The following ATXN1 variants were observed in gnomAD, a reference collection of about 807,000 sequenced individuals.
ATXN1 encodes the protein ataxin 1, also known as ataxin-1.
In ATXN1, 8 loss-of-function variants were observed where a neutral mutation model predicts 56.4. The observed-to-expected ratio is 0.14, with a 90% CI of 0.08 to 0.26. The LOEUF is 0.26. Ranked by LOEUF, ATXN1 falls within the 10% of genes least tolerant of loss-of-function variation. The probability of loss-of-function intolerance (pLI) is 1.00; values close to 1 mark genes in which losing one functional copy is unlikely to be tolerated. For synonymous variants in ATXN1, 514 were observed against 494.6 expected (o/e 1.04, Z -0.52); for missense variants, 987 against 1,106.5 (o/e 0.89, Z 1.53).
chr6:16,572,665 G>C (rs185781088), intron 4 of ATXN1, among the ~76,000 whole-genome samples: 16 of 152,170 alleles, frequency 1.1e-4, no homozygotes, highest in African/African-American at 3.6e-4. Context: ...ACAAGCCCAA[G>C]AGAAAACAAA....
At chr6:16,745,752 C>A (rs1158052943) in intron 2 of ATXN1, among the ~76,000 whole-genome samples, 3 of 152,056 alleles carry the variant, frequency 2.0e-5, no homozygotes, top group Admixed American at 6.5e-5. Flanking sequence ...CAGAAAACGT[C>A]ACTGACAGGT....
intron 6 of ATXN1, among the ~76,000 whole-genome samples, chr6:16,449,995 A>G (rs1273782912): frequency 6.6e-6 from 1 of 152,250 alleles, no homozygotes; most frequent in Admixed American, 6.5e-5. Flanking sequence ...ATAAGTCAGC[A>G]TTACACGCTG....
At chr6:16,638,897 C>T (rs900309494) in intron 3 of ATXN1, among the ~76,000 whole-genome samples, 1 of 152,130 alleles carries the variant, frequency 6.6e-6, no homozygotes, top group South Asian at 2.1e-4. Context: ...TGCAGCTAGT[C>T]GGTGGCTATA....
At chr6:16,713,374 C>A (rs983355043) in intron 2 of ATXN1, among the ~76,000 whole-genome samples, 2 of 152,144 alleles carry the variant, frequency 1.3e-5, no homozygotes, top group African/African-American at 4.8e-5. Flanking sequence ...GAGAACAAAG[C>A]CAAAGGACGC....
chr6:16,700,513 C>G (rs1025126739), intron 2 of ATXN1, among the ~76,000 whole-genome samples: 4 of 152,066 alleles, frequency 2.6e-5, no homozygotes, highest in African/African-American at 9.7e-5. Context: ...ATCAGATTGT[C>G]TGGGGCCAAG....
intron 6 of ATXN1, among the ~76,000 whole-genome samples, chr6:16,346,092 G>C (rs533276927): frequency 2.0e-5 from 3 of 152,278 alleles, no homozygotes; most frequent in African/African-American, 7.2e-5. Flanking sequence ...TTTTGAGACA[G>C]TAGCCAGAGC....
chr6:16,620,742 A>G (rs1195510557), intron 3 of ATXN1, among the ~76,000 whole-genome samples: 2 of 152,214 alleles, frequency 1.3e-5, no homozygotes, highest in Non-Finnish European at 1.5e-5. Context: ...CTGGGTGTGC[A>G]AAGTGCCAAG....
intron 4 of ATXN1, among the ~76,000 whole-genome samples, chr6:16,581,597 T>C (rs904613514): frequency 3.9e-5 from 6 of 151,938 alleles, no homozygotes; most frequent in Admixed American, 1.3e-4. Context: ...GGGTACCAAA[T>C]AGTAAAGAGG....
rs770393189 is a variant in ATXN1, at chr6:16,354,006, T to G, written c.-160-25536A>C. Among the ~76,000 whole-genome samples, 3 of 152,202 alleles carry G rather than the reference T, an allele frequency of 2.0e-5. No individual in the cohort carries two copies. In the South Asian group the frequency reaches 6.2e-4, roughly 31 times the overall value. On this transcript the variant is annotated intron_variant, in intron 6 of 7. Coordinates refer to ENST00000436367, the MANE Select transcript of ATXN1 (RefSeq NM_001128164.2). ...GGAACTACTACACTAGACCTGTGCT[T>G]CTTAACCTTGGCAGCACAGGAGAAT...
At chr6:16,607,252 C>A (rs553820800) in intron 3 of ATXN1, among the ~76,000 whole-genome samples, 6 of 152,312 alleles carry the variant, frequency 3.9e-5, no homozygotes, top group African/African-American at 1.4e-4. Context: ...CCTCTCTAAG[C>A]CTCAGTTTCT....
chr6:16,437,763 A>G (rs189084323), intron 6 of ATXN1, among the ~76,000 whole-genome samples: 14 of 152,312 alleles, frequency 9.2e-5, no homozygotes, highest in Middle Eastern at 3.4e-3. Context: ...ATCTCTTCCT[A>G]AATGCATAAG....
chr6:16,461,740 G>A (rs752844625), intron 6 of ATXN1, among the ~76,000 whole-genome samples: 6 of 152,154 alleles, frequency 3.9e-5, no homozygotes, highest in Non-Finnish European at 7.4e-5. Flanking sequence ...TTAAAGCCAC[G>A]GTAACTCAGG....
intron 6 of ATXN1, among the ~76,000 whole-genome samples, chr6:16,372,171 A>G (rs1762053202): frequency 6.6e-6 from 1 of 152,218 alleles, no homozygotes; most frequent in Admixed American, 6.5e-5. Context: ...GAAGTTGAAC[A>G]TCTCAGTAAA....
At chr6:16,538,113 T>G (rs1331964414) in intron 4 of ATXN1, among the ~76,000 whole-genome samples, 1 of 152,152 alleles carries the variant, frequency 6.6e-6, no homozygotes, top group South Asian at 2.1e-4. Context: ...GCACAAGAAA[T>G]ATGTCCACTG....
At chr6:16,323,654 G>A (rs73724832) in intron 7 of ATXN1, among the ~76,000 whole-genome samples, 2,528 of 151,784 alleles carry the variant, frequency 0.017, 64 homozygotes, top group African/African-American at 0.057. Flanking sequence ...GATGCTGGCC[G>A]GCAAGGAACC....
chr6:16,612,766 C>T (rs1336367702), intron 3 of ATXN1, among the ~76,000 whole-genome samples: 1 of 151,816 alleles, frequency 6.6e-6, no homozygotes, highest in African/African-American at 2.4e-5. Flanking sequence ...TGGCACGCAC[C>T]TGTAGTCCCA....
rs1761039764 is a variant in ATXN1, at chr6:16,333,608, G to A, written c.-160-5138C>T. Among the ~76,000 whole-genome samples, 3 of 152,212 alleles carry A rather than the reference G, an allele frequency of 2.0e-5. No individual in the cohort carries two copies. In the South Asian group the frequency reaches 6.2e-4, roughly 32 times the overall value. On this transcript the variant is annotated intron_variant, in intron 6 of 7. Transcript: ENST00000436367. ...TCTCAGTTTGAATGAACCCATGGCT[G>A]CCTGGCCTGTATATCTATGGACAAA...
intron 7 of ATXN1, among the ~76,000 whole-genome samples, chr6:16,320,257 C>T (rs922558295): frequency 2.6e-5 from 4 of 152,098 alleles, no homozygotes; most frequent in African/African-American, 7.2e-5. Context: ...GGAAAGCCAT[C>T]GGTAGACAGC....
chr6:16,332,175 G>A (rs1220120710), intron 6 of ATXN1, among the ~76,000 whole-genome samples: 4 of 152,158 alleles, frequency 2.6e-5, no homozygotes, highest in Non-Finnish European at 5.9e-5. Flanking sequence ...GGAGCAGACA[G>A]GGCTCTCTAA....
Sources: allele counts gnomAD v4.1 joint callset (sites outside exome capture counted in the v4.1 genomes callset), GRCh38; gene constraint gnomAD v4.1.1; transcripts MANE v1.5; gene names NCBI Gene and HGNC (gene_info 2026-07-23, HGNC 2026-07-21).